DOCK4: variants seen among roughly 807,000 people sequenced by gnomAD.
DOCK4 encodes the protein dedicator of cytokinesis protein 4.
Under a neutral mutation model 268.1 loss-of-function variants are expected in DOCK4, and 97 were observed. The observed-to-expected ratio is 0.36, with a 90% CI of 0.31 to 0.43. The LOEUF is 0.43. Among genes scored for constraint, DOCK4 ranks in the 20% least tolerant of loss-of-function variants. The pLI, the probability that DOCK4 is intolerant of heterozygous loss-of-function variation, is 1.00. For synonymous variants in DOCK4, 954 were observed against 887.2 expected (o/e 1.08, Z -1.34); for missense variants, 2,145 against 2,455.7 (o/e 0.87, Z 2.67).
intron 27 of DOCK4, among the ~76,000 whole-genome samples, chr7:111,821,929 T>C (rs962635812): frequency 1.3e-5 from 2 of 152,248 alleles, no homozygotes; most frequent in African/African-American, 2.4e-5. Flanking sequence ...TTCAATGCAA[T>C]ATTATTCAGC....
intron 1 of DOCK4, among the ~76,000 whole-genome samples, chr7:112,186,837 T>G (rs1347853500): frequency 1.3e-5 from 2 of 152,192 alleles, no homozygotes; most frequent in Admixed American, 1.3e-4. Context: ...ATAAGAACTC[T>G]ATTTGGAGGG....
At chr7:112,185,680 G>A (rs1819443590) in intron 1 of DOCK4, among the ~76,000 whole-genome samples, 1 of 152,136 alleles carries the variant, frequency 6.6e-6, no homozygotes, top group South Asian at 2.1e-4. Context: ...ACATTTGAGT[G>A]ACACAATGGT....
intron 1 of DOCK4, among the ~76,000 whole-genome samples, chr7:112,080,442 T>A (rs935213742): frequency 2.6e-4 from 39 of 152,352 alleles, no homozygotes; most frequent in African/African-American, 8.4e-4. Flanking sequence ...GCTTCCTTTT[T>A]CATGTAGGAT....
chr7:111,850,186 CT>C (rs1483317041), intron 23 of DOCK4, among the ~76,000 whole-genome samples: 1 of 152,048 alleles, frequency 6.6e-6, no homozygotes, highest in East Asian at 1.9e-4. Context: ...TGATAACACC[CT>C]TGATATCTGA....
At chr7:112,169,951 T>C (rs1817937881) in intron 1 of DOCK4, among the ~76,000 whole-genome samples, 1 of 152,134 alleles carries the variant, frequency 6.6e-6, no homozygotes, top group Non-Finnish European at 1.5e-5. Context: ...CACCAACACT[T>C]TTTCCTGAAC....
chr7:111,993,795 T>C (rs1231643113), intron 5 of DOCK4, among the ~76,000 whole-genome samples: 1 of 152,190 alleles, frequency 6.6e-6, no homozygotes. Context: ...AATTTGAATT[T>C]GATAAAATAC....
chr7:111,780,121 T>C (rs369283566), intron 35 of DOCK4, among the ~76,000 whole-genome samples: 2 of 152,202 alleles, frequency 1.3e-5, no homozygotes, highest in Non-Finnish European at 2.9e-5. Flanking sequence ...AATGTGGCTG[T>C]TGAAATGGTA....
intron 52 of DOCK4, among the ~76,000 whole-genome samples, chr7:111,730,214 C>T (rs1234390371): frequency 6.6e-6 from 1 of 152,134 alleles, no homozygotes; most frequent in East Asian, 1.9e-4. Context: ...AAGAGGGTTC[C>T]GCTGGGAAAT....
intron 26 of DOCK4, among the ~76,000 whole-genome samples, chr7:111,829,314 G>A (rs1393500572): frequency 6.6e-6 from 1 of 152,172 alleles, no homozygotes; most frequent in Non-Finnish European, 1.5e-5. Flanking sequence ...TTAGGGAAAA[G>A]CTGAGTTTAG....
rs146449164 is a variant in DOCK4, at chr7:111,763,659, C to T, written c.4020+1459G>A. Among the ~76,000 whole-genome samples the T allele has an allele frequency of 7.9e-3, 1,199 of 152,164 alleles. 7 individuals carry two copies. Among genetic ancestry groups the T allele is most frequent in the Non-Finnish European group, 0.013 (890 of 68,016 alleles). ...TGTTTGTGCCAACAGAGGGAGACGA[C>T]CTACTGTGGCAGGGTCGTGTCTAGA... On this transcript the variant is annotated intron_variant, in intron 39 of 52. Coordinates refer to ENST00000428084, the MANE Select transcript of DOCK4 (RefSeq NM_001363540.2).
intron 1 of DOCK4, among the ~76,000 whole-genome samples, chr7:112,188,829 A>G (rs566308535): frequency 4.3e-4 from 65 of 152,348 alleles, no homozygotes; most frequent in African/African-American, 1.6e-3. Context: ...CACCCTCATC[A>G]TATAAAAGCA....
intron 35 of DOCK4, among the ~76,000 whole-genome samples, chr7:111,781,077 G>T (rs1215838666): frequency 1.3e-5 from 2 of 152,118 alleles, no homozygotes; most frequent in South Asian, 2.1e-4. Flanking sequence ...TTTCATCCAA[G>T]GAAGTGATCT....
chr7:111,983,311 A>C (rs749562703), intron 7 of DOCK4, among the ~76,000 whole-genome samples: 3 of 152,200 alleles, frequency 2.0e-5, no homozygotes, highest in Non-Finnish European at 2.9e-5. Flanking sequence ...ATATCTCATT[A>C]TTCTCAGAAA....
chr7:112,053,025 C>T (rs1460987711), intron 1 of DOCK4, among the ~76,000 whole-genome samples: 1 of 152,132 alleles, frequency 6.6e-6, no homozygotes, highest in Admixed American at 6.6e-5. Flanking sequence ...TAAATTTTCC[C>T]TTACCCAGTG....
chr7:112,098,255 T>C (rs1473858449), intron 1 of DOCK4, among the ~76,000 whole-genome samples: 1 of 152,164 alleles, frequency 6.6e-6, no homozygotes, highest in East Asian at 1.9e-4. Flanking sequence ...CTTGGTTCAC[T>C]GCAACCTCCG....
At chr7:112,105,312 G>A (rs1011193982) in intron 1 of DOCK4, among the ~76,000 whole-genome samples, 1 of 152,078 alleles carries the variant, frequency 6.6e-6, no homozygotes, top group Admixed American at 6.6e-5. Flanking sequence ...AAAAATCGAT[G>A]TGAAAATCCA....
At chr7:111,886,706 T>G (rs1019467503) in intron 16 of DOCK4, among the ~76,000 whole-genome samples, 1 of 152,154 alleles carries the variant, frequency 6.6e-6, no homozygotes, top group Non-Finnish European at 1.5e-5. Context: ...CAACGCAATG[T>G]GGGATCTTGG....
intron 1 of DOCK4, among the ~76,000 whole-genome samples, chr7:112,028,177 A>C (rs1802971634): frequency 6.6e-6 from 1 of 152,234 alleles, no homozygotes; most frequent in Admixed American, 6.5e-5. Flanking sequence ...AGGGATGAGA[A>C]GGCAATGGGA....
intron 4 of DOCK4, among the ~76,000 whole-genome samples, chr7:111,995,415 G>T (rs1799864081): frequency 1.4e-4 from 1 of 7,222 alleles, no homozygotes; most frequent in African/African-American, 6.6e-4. Context: ...TTCTTTCTTT[G>T]TGTGTGTGTG....
Sources: allele counts gnomAD v4.1 joint callset (sites outside exome capture counted in the v4.1 genomes callset), GRCh38; gene constraint gnomAD v4.1.1; transcripts MANE v1.5; gene names NCBI Gene and HGNC (gene_info 2026-07-23, HGNC 2026-07-21).